C4orf51: variants seen among roughly 807,000 people sequenced by gnomAD.
C4orf51 encodes the protein chromosome 4 open reading frame 51.
Under a neutral mutation model 25.2 loss-of-function variants are expected in C4orf51, and 25 were observed. The ratio of observed to expected loss-of-function variants is 0.99; its 90% CI spans 0.72 to 1.39. C4orf51 has a LOEUF of 1.39. Ranked by LOEUF, C4orf51 falls within the 40% of genes most tolerant of loss-of-function variation. The probability of loss-of-function intolerance (pLI) is 0.00; values close to 1 mark genes in which losing one functional copy is unlikely to be tolerated. For synonymous variants in C4orf51, 100 were observed against 84.5 expected (o/e 1.18, Z -1.01); for missense variants, 252 against 239.6 (o/e 1.05, Z -0.34).
At chr4:145,753,506 C>T (rs574244218) in intron 1 of C4orf51, among the ~76,000 whole-genome samples, 8 of 152,044 alleles carry the variant, frequency 5.3e-5, no homozygotes, top group African/African-American at 1.9e-4. Context: ...CAGAGAAAAC[C>T]CCTATGCTGA....
chr4:145,693,724 A>C (rs1578932716), intron 1 of C4orf51, among the ~76,000 whole-genome samples: 1 of 61,694 alleles, frequency 1.6e-5, no homozygotes, highest in African/African-American at 7.7e-5. Context: ...TGACCCCCCC[A>C]CCTCCCTCCC....
chr4:145,694,719 A>G (rs1031448270), intron 1 of C4orf51, among the ~76,000 whole-genome samples: 3 of 137,386 alleles, frequency 2.2e-5, no homozygotes, highest in African/African-American at 8.2e-5. Context: ...GGCCGCCCCT[A>G]CTGGGAAGTG....
Position 145,765,188 on chromosome 4 carries a change from T to C in C4orf51, n.167-5800T>C, listed in dbSNP as rs760716203. 1.6e-5 allele frequency: 25 copies of C among 1,582,862 alleles called. No individual in the cohort carries two copies. The highest frequency in any genetic ancestry group is 4.7e-5 in the South Asian group (4 of 84,284). Reference sequence around the variant, plus strand: ...ACCCTGCAAGGACCGAAGCTGGGTATAGAGGTGCACAGGGCAGCGGGGAGA... The same window carrying C: ...ACCCTGCAAGGACCGAAGCTGGGTACAGAGGTGCACAGGGCAGCGGGGAGA... On this transcript the variant is annotated intron_variant and non_coding_transcript_variant, in intron 1 of 1. Transcript: ENST00000510096. This position sits in a 1 kb window ranked among gnomAD's most constrained non-coding sequence, Gnocchi z 4.7.
At chr4:145,700,646 C>T (rs770083581) in intron 2 of C4orf51, among the ~76,000 whole-genome samples, 10 of 152,166 alleles carry the variant, frequency 6.6e-5, no homozygotes, top group Non-Finnish European at 1.3e-4. Flanking sequence ...TTATTTTACA[C>T]ATCAGTCCCT....
At chr4:145,693,528 G>A (rs1010532523) in intron 1 of C4orf51, among the ~76,000 whole-genome samples, 1 of 151,814 alleles carries the variant, frequency 6.6e-6, no homozygotes, top group South Asian at 2.1e-4. Context: ...ATCCTGGCCC[G>A]TTCTCAATGA....
downstream of C4orf51, among the ~76,000 whole-genome samples, chr4:145,734,726 T>C (rs919651106): frequency 6.6e-6 from 1 of 152,222 alleles, no homozygotes; most frequent in Non-Finnish European, 1.5e-5. Context: ...TGCTGAGTTT[T>C]ATGACTCAGG....
At chr4:145,719,209 C>T (rs1334738807) in intron 2 of C4orf51, among the ~76,000 whole-genome samples, 2 of 152,096 alleles carry the variant, frequency 1.3e-5, no homozygotes, top group Non-Finnish European at 2.9e-5. Context: ...TTGGCTTTTC[C>T]TTCCCACAAC....
At chr4:145,756,020 C>T (rs537913073), downstream of C4orf51, among the ~76,000 whole-genome samples, 4 of 152,224 alleles carry the variant, frequency 2.6e-5, no homozygotes, top group Non-Finnish European at 5.9e-5. Context: ...CACCTCTTGG[C>T]TCTCCTTCGT....
chr4:145,686,214 C>G (rs1396197782), intron 1 of C4orf51, among the ~76,000 whole-genome samples: 1 of 151,980 alleles, frequency 6.6e-6, no homozygotes, highest in Admixed American at 6.6e-5. Flanking sequence ...ATCATACAGA[C>G]AAAAAGTAGA....
chr4:145,791,333 C>A, the C4orf51 span, among the ~76,000 whole-genome samples: 1 of 152,316 alleles, frequency 6.6e-6, no homozygotes, highest in Non-Finnish European at 1.5e-5. Flanking sequence ...GAGGGCTCCA[C>A]TCCCAAGACC....
chr4:145,762,403 T>C lies in C4orf51; in HGVS notation n.167-8585T>C, dbSNP rs1392806190. Among the ~76,000 whole-genome samples the C allele has an allele frequency of 6.6e-6, 1 of 152,160 alleles. No individual in the cohort carries two copies. Among genetic ancestry groups the C allele is most frequent in the Non-Finnish European group, 1.5e-5 (1 of 68,014 alleles). On this transcript the variant is annotated intron_variant and non_coding_transcript_variant, in intron 1 of 1. Coordinates refer to the C4orf51 transcript ENST00000510096. This position sits in a 1 kb window ranked among gnomAD's most constrained non-coding sequence, Gnocchi z 4.9. ...TATTAATACATGATTATGCCGGAGA[T>C]AGGATAATAATCCAACTGGATTGGA...
At chr4:145,778,879 G>C in the C4orf51 span, among the ~76,000 whole-genome samples, 1 of 152,036 alleles carries the variant, frequency 6.6e-6, no homozygotes, top group Non-Finnish European at 1.5e-5. Context: ...TTTGCTGTGT[G>C]GACTAAGTTA....
At chr4:145,748,226 G>T (rs1027114006) in intron 1 of C4orf51, among the ~76,000 whole-genome samples, 1 of 152,002 alleles carries the variant, frequency 6.6e-6, no homozygotes, top group African/African-American at 2.4e-5. Flanking sequence ...TGCAGTATTA[G>T]TAGTAATGTT....
At chr4:145,702,604 G>A (rs928778767) in intron 2 of C4orf51, among the ~76,000 whole-genome samples, 1 of 152,098 alleles carries the variant, frequency 6.6e-6, no homozygotes, top group African/African-American at 2.4e-5. Context: ...AGCCATCACA[G>A]CTGATATCGC....
rs1734797645 is a variant in C4orf51 at position 145,763,246 on chromosome 4, A to T, written n.167-7742A>T. The T allele has an allele frequency of 6.0e-6, 6 of 992,570 alleles. No individual in the cohort carries two copies. Among genetic ancestry groups the T allele is most frequent in the Non-Finnish European group, 8.8e-6 (6 of 681,140 alleles). The allele number at this position is 992,570 out of a possible 1,614,324, so 61.5% of individuals were successfully genotyped here. On this transcript the variant is annotated intron_variant and non_coding_transcript_variant, in intron 1 of 1. Transcript: ENST00000510096. This position sits in a 1 kb window ranked among gnomAD's most constrained non-coding sequence, Gnocchi z 4.6. ...ATCAGCAGTCTGTTTCATTTTAAGGACATTTCTGTGACCCACAGCTCAATC... is the reference window on the plus strand; with the variant it reads ...ATCAGCAGTCTGTTTCATTTTAAGGTCATTTCTGTGACCCACAGCTCAATC...
chr4:145,774,663 C>T (rs1736773763), downstream of C4orf51: 2 of 1,613,602 alleles, frequency 1.2e-6, no homozygotes, highest in Non-Finnish European at 1.7e-6. Context: ...CAAATCCACA[C>T]ACGTGACAAC....
chr4:145,699,139 A>C (rs917124557), intron 2 of C4orf51, among the ~76,000 whole-genome samples: 52 of 151,226 alleles, frequency 3.4e-4, no homozygotes, highest in African/African-American at 1.3e-3. Context: ...CACCCAAATC[A>C]TATAAAATGG....
intron 3 of C4orf51, among the ~76,000 whole-genome samples, chr4:145,728,715 G>T (rs1013588233): frequency 4.6e-5 from 7 of 152,136 alleles, no homozygotes; most frequent in African/African-American, 1.7e-4. Flanking sequence ...ATAAATTTTA[G>T]CAAGTAGGTG....
At chr4:145,711,452 G>A (rs915808488) in intron 2 of C4orf51, among the ~76,000 whole-genome samples, 10 of 152,078 alleles carry the variant, frequency 6.6e-5, no homozygotes, top group Non-Finnish European at 1.5e-4. Flanking sequence ...TCTCTCTCCA[G>A]GTTTGGGGAG....
Sources: allele counts gnomAD v4.1 joint callset (sites outside exome capture counted in the v4.1 genomes callset), GRCh38; gene constraint gnomAD v4.1.1; non-coding constraint Gnocchi (gnomAD v3.1); transcripts MANE v1.5; gene names NCBI Gene and HGNC (gene_info 2026-07-23, HGNC 2026-07-21).